The following KCNH5 variants were observed in gnomAD, a reference collection of about 807,000 sequenced individuals.
KCNH5 encodes the protein voltage-gated delayed rectifier potassium channel KCNH5.
KCNH5 carries 46 observed loss-of-function variants against 96.1 expected under a neutral mutation model. The ratio of observed to expected loss-of-function variants is 0.48; its 90% CI spans 0.38 to 0.61. The LOEUF is 0.61. KCNH5 is among the 20% of genes least tolerant of loss of function. KCNH5 has a pLI of 0.00. For missense variants in KCNH5, 907 were observed against 1,225.8 expected, an observed-to-expected ratio of 0.74 and a Z score of 3.88; for synonymous variants, 439 against 449.8, an observed-to-expected ratio of 0.98 and a Z score of 0.30.
At chr14:62,845,124 A>G (rs1458995916) in intron 8 of KCNH5, among the ~76,000 whole-genome samples, 1 of 152,132 alleles carries the variant, frequency 6.6e-6, no homozygotes, top group Non-Finnish European at 1.5e-5. Flanking sequence ...ATATTTGAAA[A>G]AAATTATCAA....
intron 7 of KCNH5, among the ~76,000 whole-genome samples, chr14:62,907,011 T>G (rs1419095182): frequency 6.6e-6 from 1 of 152,204 alleles, no homozygotes; most frequent in East Asian, 1.9e-4. Flanking sequence ...AGCTTGCATT[T>G]TCAACCCTAA....
At chr14:62,960,195 C>A (rs561353732) in intron 6 of KCNH5, among the ~76,000 whole-genome samples, 1 of 152,150 alleles carries the variant, frequency 6.6e-6, no homozygotes, top group Non-Finnish European at 1.5e-5. Flanking sequence ...CTAGTTGGCT[C>A]TATCCATACT....
intron 10 of KCNH5, among the ~76,000 whole-genome samples, chr14:62,714,338 A>G (rs1884638326): frequency 6.6e-6 from 1 of 152,200 alleles, no homozygotes; most frequent in South Asian, 2.1e-4. Context: ...TTTAACATGC[A>G]TATAGTAAAA....
intron 9 of KCNH5, among the ~76,000 whole-genome samples, chr14:62,788,082 T>C (rs1886356465): frequency 6.6e-6 from 1 of 152,154 alleles, no homozygotes; most frequent in Non-Finnish European, 1.5e-5. Flanking sequence ...ATCTAAAGGA[T>C]CTAGAGAAAG....
At chr14:63,020,710 GGT>G (rs1325156618) in intron 1 of KCNH5, among the ~76,000 whole-genome samples, 7 of 152,218 alleles carry the variant, frequency 4.6e-5, no homozygotes, top group African/African-American at 1.4e-4. Context: ...TCTTGATAGA[GGT>G]ATACGTTACA....
At chr14:62,872,228 A>C (rs1441011463) in intron 7 of KCNH5, among the ~76,000 whole-genome samples, 1 of 152,224 alleles carries the variant, frequency 6.6e-6, no homozygotes, top group East Asian at 1.9e-4. Flanking sequence ...GTCTCAGTCC[A>C]TGCCCAATGC....
intron 7 of KCNH5, among the ~76,000 whole-genome samples, chr14:62,917,246 G>A (rs1034089608): frequency 2.5e-4 from 38 of 151,828 alleles, no homozygotes; most frequent in African/African-American, 7.3e-4. Flanking sequence ...TTATTTTTAC[G>A]AGACTGAGCT....
At chr14:62,715,324 G>A (rs979696215) in intron 10 of KCNH5, among the ~76,000 whole-genome samples, 4 of 152,124 alleles carry the variant, frequency 2.6e-5, no homozygotes, top group Admixed American at 6.6e-5. Flanking sequence ...TCTGTGAATC[G>A]ACTAGGAATT....
intron 10 of KCNH5, among the ~76,000 whole-genome samples, chr14:62,738,380 C>A (rs750229725): frequency 2.6e-5 from 4 of 152,084 alleles, no homozygotes; most frequent in Non-Finnish European, 5.9e-5. Flanking sequence ...AGGGAAACTG[C>A]AGATAAGGGA....
At chr14:62,779,021 A>C (rs1886153844) in intron 10 of KCNH5, among the ~76,000 whole-genome samples, 2 of 152,250 alleles carry the variant, frequency 1.3e-5, no homozygotes, top group African/African-American at 2.4e-5. Context: ...ACAGGCGATC[A>C]TTTTAGATAA....
chr14:62,920,703 C>A (rs1350245153), intron 7 of KCNH5, among the ~76,000 whole-genome samples: 1 of 152,084 alleles, frequency 6.6e-6, no homozygotes, highest in African/African-American at 2.4e-5. Context: ...AAATGAGAGT[C>A]ATAAATCATG....
chr14:62,953,858 A>T (rs573400293), intron 6 of KCNH5, among the ~76,000 whole-genome samples: 1 of 152,156 alleles, frequency 6.6e-6, no homozygotes, highest in Non-Finnish European at 1.5e-5. Flanking sequence ...TAATTCACAG[A>T]TCACACTACA....
intron 10 of KCNH5, among the ~76,000 whole-genome samples, chr14:62,763,117 A>C (rs1479641145): frequency 1.3e-5 from 2 of 152,190 alleles, no homozygotes; most frequent in African/African-American, 4.8e-5. Flanking sequence ...CATAACACAT[A>C]CTCTAAAACT....
intron 8 of KCNH5, among the ~76,000 whole-genome samples, chr14:62,815,847 T>C (rs955040791): frequency 6.6e-6 from 1 of 151,910 alleles, no homozygotes; most frequent in African/African-American, 2.4e-5. Flanking sequence ...TCTTTCCAAA[T>C]TATTTATACA....
chr14:62,847,907 A>T (rs1887730846), intron 8 of KCNH5, among the ~76,000 whole-genome samples: 1 of 152,186 alleles, frequency 6.6e-6, no homozygotes, highest in Non-Finnish European at 1.5e-5. Flanking sequence ...AGTGCATCAG[A>T]CCCTAACTCC....
chr14:62,817,982 G>A (rs1566670544), intron 8 of KCNH5, among the ~76,000 whole-genome samples: 1 of 150,298 alleles, frequency 6.7e-6, no homozygotes, highest in Non-Finnish European at 1.5e-5. Flanking sequence ...GAACCTTGAG[G>A]ACATTGAGCT....
At chr14:62,991,606 T>A (rs1890809579) in intron 4 of KCNH5, among the ~76,000 whole-genome samples, 2 of 152,034 alleles carry the variant, frequency 1.3e-5, no homozygotes, top group South Asian at 4.1e-4. Flanking sequence ...AGCAAATGAA[T>A]GTTTTGGTAC....
intron 7 of KCNH5, among the ~76,000 whole-genome samples, chr14:62,944,543 A>C (rs1408769177): frequency 1.3e-5 from 2 of 152,042 alleles, no homozygotes; most frequent in African/African-American, 2.4e-5. Context: ...CTGCTAGCAC[A>C]TATTGGTTTC....
chr14:62,895,160 C>G (rs1442176466), intron 7 of KCNH5, among the ~76,000 whole-genome samples: 2 of 152,120 alleles, frequency 1.3e-5, no homozygotes, highest in African/African-American at 4.8e-5. Flanking sequence ...TTTCCTACAT[C>G]TATTTTTGAG....
Sources: allele counts gnomAD v4.1 joint callset (sites outside exome capture counted in the v4.1 genomes callset), GRCh38; gene constraint gnomAD v4.1.1; transcripts MANE v1.5; gene names NCBI Gene and HGNC (gene_info 2026-07-23, HGNC 2026-07-21).